The following CUL2 variants were observed in gnomAD, a reference collection of about 807,000 sequenced individuals.
CUL2 encodes the protein cullin 2, also known as cullin-2.
In CUL2, 22 loss-of-function variants were observed where a neutral mutation model predicts 110.2. The observed-to-expected ratio is 0.20, with a 90% CI of 0.14 to 0.28. CUL2 has a LOEUF of 0.28. Ranked by LOEUF, CUL2 falls within the 10% of genes least tolerant of loss-of-function variation. CUL2 has a pLI of 1.00. For missense variants in CUL2, 631 were observed against 905.5 expected (o/e 0.70, Z 3.89); for synonymous variants, 279 against 293.2 (o/e 0.95, Z 0.49).
At chr10:35,074,317 CTCCCT>C in intron 1 of CUL2, 1 of 814,634 alleles carries the variant, frequency 1.2e-6, no homozygotes, top group South Asian at 1.5e-5. Flanking sequence ...CCTCCTGGTA[CTCCCT>C]ACTGTGACAT....
chr10:35,053,482 T>C (rs912049617), intron 5 of CUL2, among the ~76,000 whole-genome samples: 2 of 152,228 alleles, frequency 1.3e-5, no homozygotes, highest in African/African-American at 4.8e-5. Context: ...ACATTCTTCT[T>C]CCATGCTTTT....
chr10:35,062,941 C>T lies in CUL2; in HGVS notation c.222+19G>A, dbSNP rs376096495. On this transcript the variant is annotated intron_variant, in intron 3 of 20. Coordinates refer to ENST00000374749, the MANE Select transcript of CUL2 (RefSeq NM_003591.4). ...TACAACTATCAACATATTTATATCA[C>T]GTATGTATCATTGCTTACCTTATGC... The T allele has an allele frequency of 3.2e-5, 41 of 1,287,186 alleles. No individual in the cohort carries two copies. The highest frequency in any genetic ancestry group is 3.7e-4 in the Middle Eastern group (2 of 5,420). 79.7% of individuals were successfully genotyped at this position (1,287,186 alleles called of 1,614,324 possible).
At chr10:35,034,217 T>C (rs1480697083) in intron 10 of CUL2, among the ~76,000 whole-genome samples, 3 of 152,228 alleles carry the variant, frequency 2.0e-5, no homozygotes, top group Non-Finnish European at 2.9e-5. Flanking sequence ...AATTCGATGC[T>C]TCTATGCCCA....
chr10:35,014,207 G>A (rs1162220548), intron 18 of CUL2, among the ~76,000 whole-genome samples: 3 of 151,968 alleles, frequency 2.0e-5, no homozygotes, highest in South Asian at 2.1e-4. Context: ...TACAAATGCC[G>A]CAGTAACAAA....
chr10:35,122,446 T>C (rs1241133727), intron 1 of CUL2, among the ~76,000 whole-genome samples: 1 of 152,182 alleles, frequency 6.6e-6, no homozygotes. Context: ...GGGTTTATTT[T>C]GACTTCTAAG....
intron 1 of CUL2, among the ~76,000 whole-genome samples, chr10:35,081,575 T>C (rs1183055292): frequency 6.6e-6 from 1 of 152,180 alleles, no homozygotes; most frequent in African/African-American, 2.4e-5. Context: ...CAACCAGCCT[T>C]TACACAAATT....
At chr10:35,100,003 G>A (rs1391971743) in intron 2 of CUL2, among the ~76,000 whole-genome samples, 1 of 151,974 alleles carries the variant, frequency 6.6e-6, no homozygotes, top group Non-Finnish European at 1.5e-5. Flanking sequence ...ACAGAGTCTT[G>A]CTATGTTGCC....
At chr10:35,024,991 A>G (rs919928555) in intron 17 of CUL2, 141 bp downstream of exon 17, 3 of 1,207,140 alleles carry the variant, frequency 2.5e-6, no homozygotes, top group Non-Finnish European at 3.2e-6. Context: ...CTTGGATTTC[A>G]TTGTTAGTTG....
At chr10:35,049,903 C>T (rs954080161) in intron 5 of CUL2, 138 bp from the exon 6 acceptor site, 1 of 559,014 alleles carries the variant, frequency 1.8e-6, no homozygotes, top group Non-Finnish European at 3.1e-6. Flanking sequence ...AAAACCTGAA[C>T]AAAAATTTAA....
chr10:35,010,555 C>A, intron 20 of CUL2, 113 bp from the exon 21 acceptor site: 4 of 932,096 alleles, frequency 4.3e-6, no homozygotes, highest in South Asian at 5.3e-5. Flanking sequence ...AACAAATGGG[C>A]CAAATTAAGT....
chr10:35,122,292 C>T (rs1386374628), intron 1 of CUL2, among the ~76,000 whole-genome samples: 1 of 152,164 alleles, frequency 6.6e-6, no homozygotes, highest in Non-Finnish European at 1.5e-5. Flanking sequence ...TTGAAAAATG[C>T]TAAATCTTGA....
chr10:35,062,231 T>C (rs1030893436), intron 3 of CUL2, among the ~76,000 whole-genome samples: 1 of 152,202 alleles, frequency 6.6e-6, no homozygotes, highest in Non-Finnish European at 1.5e-5. Context: ...ATGTACAGCA[T>C]ACTAATAAAA....
intron 19 of CUL2, among the ~76,000 whole-genome samples, chr10:35,012,329 C>A (rs1200862779): frequency 6.6e-6 from 1 of 152,016 alleles, no homozygotes; most frequent in East Asian, 1.9e-4. Flanking sequence ...GTAAACTGTA[C>A]TGTTAAGGTA....
chr10:35,031,219 T>G lies in CUL2; in HGVS notation c.1386+81A>C. 1 of 849,146 alleles carries G rather than the reference T, an allele frequency of 1.2e-6. No individual in the cohort carries two copies. Among genetic ancestry groups the G allele is most frequent in the Non-Finnish European group, 1.9e-6 (1 of 536,738 alleles). The allele number at this position is 849,146 out of a possible 1,614,324, so 52.6% of individuals were successfully genotyped here. A position where few individuals can be genotyped will look rare whatever the true frequency, so the allele number is the denominator to read the frequency against. On this transcript the variant is annotated intron_variant, in intron 14 of 20. Transcript: ENST00000374749. The surrounding 1 kb of genome is among the most constrained non-coding windows in gnomAD (Gnocchi z 4.4). ...AACCAGATGAATTGTTTCCTGTTAC[T>G]GTACACAATGCTGCAATGAACATCT...
chr10:35,093,436 A>C (rs2087244317), upstream of CUL2, among the ~76,000 whole-genome samples: 1 of 151,964 alleles, frequency 6.6e-6, no homozygotes, highest in Admixed American at 6.6e-5. Context: ...AGGTGGGCAG[A>C]TCTCTTGAGT....
At position 35,010,142 on chromosome 10, in the gene CUL2, A is replaced by G; in HGVS notation, c.*169T>C. On this transcript the variant is annotated 3_prime_UTR_variant, in exon 21 of 21. Coordinates refer to ENST00000374749, the MANE Select transcript of CUL2 (RefSeq NM_003591.4). ...AATGACATGAGCTTGAAATATCTCT[A>G]GGCATTTTCTTTGACGCTCATGACG... is the stretch of plus-strand genomic sequence containing the variant. The G allele has an allele frequency of 2.3e-6, 1 of 444,280 alleles. No individual in the cohort carries two copies. Among genetic ancestry groups the G allele is most frequent in the Non-Finnish European group, 3.7e-6 (1 of 268,062 alleles). 27.5% of individuals were successfully genotyped at this position (444,280 alleles called of 1,614,324 possible).
At chr10:35,057,458 C>G (rs892187061) in intron 4 of CUL2, among the ~76,000 whole-genome samples, 23 of 151,618 alleles carry the variant, frequency 1.5e-4, no homozygotes, top group African/African-American at 5.6e-4. Context: ...GGAGACCAGT[C>G]TGGCCAACAT....
intron 1 of CUL2, among the ~76,000 whole-genome samples, chr10:35,116,420 A>G (rs539241804): frequency 5.6e-4 from 86 of 152,314 alleles, no homozygotes; most frequent in African/African-American, 1.9e-3. Flanking sequence ...TCTGAAAGGC[A>G]TAAACTACAA....
chr10:35,032,266 A>G (rs780399442), intron 12 of CUL2, among the ~76,000 whole-genome samples, 169 bp downstream of exon 12: 21 of 152,238 alleles, frequency 1.4e-4, no homozygotes, highest in Non-Finnish European at 2.6e-4. Flanking sequence ...TTTAAGACAC[A>G]TAGTATATTG....
Sources: gnomAD v4.1 joint callset for allele counts (sites outside exome capture counted in the v4.1 genomes callset) on GRCh38, gnomAD v4.1.1 for gene constraint, Gnocchi (gnomAD v3.1) non-coding constraint, MANE v1.5 for transcripts, NCBI Gene and HGNC (gene_info 2026-07-23, HGNC 2026-07-21) for gene names.